The following ESRRA variants were observed in gnomAD, a reference collection of about 807,000 sequenced individuals.
ESRRA encodes the protein estrogen related receptor alpha.
ESRRA carries 7 observed loss-of-function variants against 35.6 expected under a neutral mutation model. The observed-to-expected ratio is 0.20, with a 90% CI of 0.11 to 0.37. The LOEUF (loss-of-function observed/expected upper bound fraction) is 0.37, where lower values mean the gene tolerates loss of function less well. ESRRA is among the 10% of genes least tolerant of loss of function. The probability of loss-of-function intolerance (pLI) is 1.00; values close to 1 mark genes in which losing one functional copy is unlikely to be tolerated. For synonymous variants in ESRRA, 223 were observed against 246.9 expected (o/e 0.90, Z 0.91); for missense variants, 378 against 561.7 (o/e 0.67, Z 3.31).
chr11:64,311,935 G>A lies in ESRRA; in HGVS notation c.326-2016G>A, dbSNP rs544491691. Among the ~76,000 whole-genome samples, 8 of 148,004 alleles carry A rather than the reference G, an allele frequency of 5.4e-5. No homozygotes were observed. The South Asian group carries it at 1.7e-3, about 31-fold the overall frequency. ...CCTCACCTCGTGATCTGCCTGCCTC[G>A]GCCTCCCAAAGTGCTGGGATTATAG... On this transcript the variant is annotated intron_variant, in intron 2 of 6. Coordinates refer to ENST00000000442, the MANE Select transcript of ESRRA (RefSeq NM_004451.5).
rs1591248691 is a variant in ESRRA at position 64,316,671 on chromosome 11, T to G, written c.*705T>G. On this transcript the variant is annotated 3_prime_UTR_variant, in exon 7 of 7. Coordinates refer to ENST00000000442, the MANE Select transcript of ESRRA (RefSeq NM_004451.5). ...ACAGAGACTCTATTTTAATGTATAT[T>G]TGCTGCAAAGAGAAACCGCTTTTGG... 1 of 599,536 alleles carries G rather than the reference T, an allele frequency of 1.7e-6. No homozygotes were observed. The highest frequency in any genetic ancestry group is 2.8e-5 in the East Asian group (1 of 35,148). The allele number at this position is 599,536 out of a possible 1,614,324, so 37.1% of individuals were successfully genotyped here. A position where few individuals can be genotyped will look rare whatever the true frequency, so the allele number is the denominator to read the frequency against.
At chr11:64,310,361 A>C (rs1209477220) in intron 2 of ESRRA, among the ~76,000 whole-genome samples, 4 of 150,280 alleles carry the variant, frequency 2.7e-5, no homozygotes, top group African/African-American at 9.8e-5. Flanking sequence ...CAGCCTCCTG[A>C]GTAGCTGGGA....
chr11:64,309,525 G>A (rs940037456), intron 2 of ESRRA, among the ~76,000 whole-genome samples: 1 of 151,836 alleles, frequency 6.6e-6, no homozygotes, highest in Admixed American at 6.6e-5. Context: ...GAATTTGGGG[G>A]AATGAGCAAG....
rs914458972 is a variant in ESRRA, at chr11:64,315,556, G to A, written c.1013-151G>A. On this transcript the variant is annotated intron_variant, in intron 6 of 6. Coordinates refer to ENST00000000442, the MANE Select transcript of ESRRA (RefSeq NM_004451.5). ...GAGAGAGGGTGGGGTCCTGGCCCAC[G>A]AGCCGCAGCAATGAGTGGTGCCTCT... 5 of 1,160,948 alleles carry A rather than the reference G, an allele frequency of 4.3e-6. No individual in the cohort carries two copies. The African/African-American group carries it at 4.6e-5, about 11-fold the overall frequency. The allele number at this position is 1,160,948 out of a possible 1,614,324, so 71.9% of individuals were successfully genotyped here. A position where few individuals can be genotyped will look rare whatever the true frequency, so the allele number is the denominator to read the frequency against.
At position 64,313,905 on chromosome 11, in the gene ESRRA, C is replaced by T; in HGVS notation, c.326-46C>T. 1 of 1,413,570 alleles carries T rather than the reference C, an allele frequency of 7.1e-7. No individual in the cohort carries two copies. The highest frequency in any genetic ancestry group is 1.3e-5 in the South Asian group (1 of 76,554). 87.6% of individuals were successfully genotyped at this position (1,413,570 alleles called of 1,614,324 possible). On this transcript the variant is annotated intron_variant, in intron 2 of 6. Transcript: ENST00000000442. This position sits in a 1 kb window ranked among gnomAD's most constrained non-coding sequence, Gnocchi z 4.0. ...GGCTCTCCTGTCAGCTGGGTCCCCT[C>T]CCAGCCCCGGGAGGCCGCCACTGGA...
At chr11:64,307,942 G>A (rs931701896) in intron 2 of ESRRA, among the ~76,000 whole-genome samples, 2 of 151,654 alleles carry the variant, frequency 1.3e-5, no homozygotes, top group Non-Finnish European at 2.9e-5. Flanking sequence ...GTTCAGGCTA[G>A]AGTGCAGTGG....
Position 64,307,354 on chromosome 11 carries a change from G to T in ESRRA, c.175G>T (p.Ala59Ser). Residue 59 changes from alanine (A) to serine (S), a missense_variant, in exon 2 of 7, where the codon GCT (alanine) becomes TCT (serine). By Grantham distance (99) the Ala-to-Ser change is moderately conservative. This residue lies in a region of ESRRA where 87 missense variants were observed against 92.6 expected (regional missense o/e 0.94). Coordinates refer to ENST00000000442, the MANE Select transcript of ESRRA (RefSeq NM_004451.5). Reference protein sequence around the residue: ...GHKEEEDGEGAGPGEQGGGKL... With the variant: ...GHKEEEDGEGSGPGEQGGGKL... ...CAAGGAAGAGGAGGATGGGGAGGGGGCTGGGCCTGGCGAGCAGGGCGGTGG... is the reference window on the plus strand; with the variant it reads ...CAAGGAAGAGGAGGATGGGGAGGGGTCTGGGCCTGGCGAGCAGGGCGGTGG... The T allele has an allele frequency of 6.2e-7, 1 of 1,610,648 alleles. No individual in the cohort carries two copies. The highest frequency in any genetic ancestry group is 1.1e-5 in the South Asian group (1 of 90,764).
chr11:64,307,697 G>A (rs1262958985), intron 2 of ESRRA, among the ~76,000 whole-genome samples, 193 bp downstream of exon 2: 1 of 152,210 alleles, frequency 6.6e-6, no homozygotes, highest in African/African-American at 2.4e-5. Context: ...GCATTGCAGT[G>A]GATGTGAGTG....
chr11:64,314,639 C>A, intron 4 of ESRRA, 102 bp from the exon 5 acceptor site: 1 of 1,193,714 alleles, frequency 8.4e-7, no homozygotes, highest in Non-Finnish European at 1.2e-6. Flanking sequence ...TGGACAGCTG[C>A]TACTGAGGAA....
chr11:64,311,485 G>C (rs1315828518), intron 2 of ESRRA, among the ~76,000 whole-genome samples: 1 of 151,092 alleles, frequency 6.6e-6, no homozygotes, highest in Admixed American at 6.6e-5. Flanking sequence ...GCGCGATCTC[G>C]GCTCAGTGCA....
In ESRRA at chr11:64,313,509, G is replaced by A. The variant is rs929388555; in HGVS notation, c.326-442G>A. ...TCAGAAACCACAAAGTGGCTGGTGC[G>A]GTGGGAGGAAAACCAGAGTGTATGC... On this transcript the variant is annotated intron_variant, in intron 2 of 6. Coordinates refer to ENST00000000442, the MANE Select transcript of ESRRA (RefSeq NM_004451.5). The surrounding 1 kb of genome is among the most constrained non-coding windows in gnomAD (Gnocchi z 4.0). Among the ~76,000 whole-genome samples the A allele has an allele frequency of 2.0e-5, 3 of 152,184 alleles. No homozygotes were observed. Among genetic ancestry groups the A allele is most frequent in the Non-Finnish European group, 2.9e-5 (2 of 68,028 alleles).
intron 2 of ESRRA, among the ~76,000 whole-genome samples, chr11:64,311,433 T>A (rs1228794611): frequency 2.5e-5 from 3 of 121,012 alleles, no homozygotes; most frequent in Non-Finnish European, 5.3e-5. Context: ...TTTTTTTTTT[T>A]GAGACGGAGT....
Position 64,314,372 on chromosome 11 carries a change from G to C in ESRRA, c.571+5G>C, listed in dbSNP as rs1201006799. 6.4e-7 allele frequency: 1 copy of C among 1,563,114 alleles called. No individual in the cohort carries two copies. The highest frequency in any genetic ancestry group is 1.4e-5 in the African/African-American group (1 of 73,710). On this transcript the variant is annotated splice_donor_5th_base_variant and intron_variant, in intron 4 of 6. Transcript: ENST00000000442. ...CTGGAGGCCCCCGGAAGACAGGTGAGAGCACTGTGGGTACCTGGGGCTACG... is the reference window on the plus strand; with the variant it reads ...CTGGAGGCCCCCGGAAGACAGGTGACAGCACTGTGGGTACCTGGGGCTACG...
rs1336764159 is a variant in ESRRA, at chr11:64,316,071, G to A, written c.*105G>A. ...GGTCTGGGCAGTGCCACAGCCTGCT[G>A]GCAGGGCCAGGGCAATGCCATCAGC... On this transcript the variant is annotated 3_prime_UTR_variant, in exon 7 of 7. Transcript: ENST00000000442. The A allele has an allele frequency of 2.8e-5, 37 of 1,341,004 alleles. No individual in the cohort carries two copies. Among genetic ancestry groups the A allele is most frequent in the Admixed American group, 2.5e-5 (1 of 40,550 alleles). The allele number at this position is 1,341,004 out of a possible 1,614,324, so 83.1% of individuals were successfully genotyped here. A position where few individuals can be genotyped will look rare whatever the true frequency, so the allele number is the denominator to read the frequency against.
Position 64,314,324 on chromosome 11 carries a change from C to T in ESRRA, c.528C>T (p.Phe176=), listed in dbSNP as rs2035198014. 7 of 1,604,118 alleles carry T rather than the reference C, an allele frequency of 4.4e-6. No individual in the cohort carries two copies. Among genetic ancestry groups the T allele is most frequent in the Non-Finnish European group, 6.0e-6 (7 of 1,175,702 alleles). Residue 176 remains phenylalanine, a synonymous_variant, in exon 4 of 7, where the codon TTC becomes TTT. Transcript: ENST00000000442. ...ACCCACTGCCCTTCCCGGGCCCCTT[C>T]CCTGCTGGGCCCCTGGCAGTCGCTG... ...EVDPLPFPGP[F]PAGPLAVAGG... is the part of the protein sequence containing the mutation.
chr11:64,307,570 A>G, intron 2 of ESRRA, 66 bp downstream of exon 2: 1 of 1,253,534 alleles, frequency 8.0e-7, no homozygotes, highest in Admixed American at 3.3e-5. Flanking sequence ...TGGGTGCAAT[A>G]GGCCCCCTGA....
Position 64,313,195 on chromosome 11 carries a change from T to C in ESRRA, c.326-756T>C, listed in dbSNP as rs1167337763. Among the ~76,000 whole-genome samples the C allele has an allele frequency of 1.3e-5, 2 of 152,020 alleles. No individual in the cohort carries two copies. Among genetic ancestry groups the C allele is most frequent in the East Asian group, 1.9e-4 (1 of 5,176 alleles). On this transcript the variant is annotated intron_variant, in intron 2 of 6. Transcript: ENST00000000442. This position sits in a 1 kb window ranked among gnomAD's most constrained non-coding sequence, Gnocchi z 4.0. ...TTGGAGGAGGTAAAGCCCACCAGAA[T>C]GTGTCGGTGGCTTGGATGTGGGGTG...
intron 6 of ESRRA, 103 bp from the exon 7 acceptor site, chr11:64,315,604 T>C (rs1314301946): frequency 6.8e-7 from 1 of 1,471,052 alleles, no homozygotes. Flanking sequence ...CAACAAATCC[T>C]CGTTTGGCTC....
chr11:64,316,046 G>C lies in ESRRA; in HGVS notation c.*80G>C. On this transcript the variant is annotated 3_prime_UTR_variant, in exon 7 of 7. Coordinates refer to ENST00000000442, the MANE Select transcript of ESRRA (RefSeq NM_004451.5). ...GCCCCAAGGGCTGGGGCGGAGCTGG[G>C]GTCTGGGCAGTGCCACAGCCTGCTG... 1.4e-6 allele frequency: 2 copies of C among 1,479,558 alleles called. No individual in the cohort carries two copies. Among genetic ancestry groups the C allele is most frequent in the Middle Eastern group, 2.6e-4 (1 of 3,870 alleles). The allele number at this position is 1,479,558 out of a possible 1,614,324, so 91.7% of individuals were successfully genotyped here. A position where few individuals can be genotyped will look rare whatever the true frequency, so the allele number is the denominator to read the frequency against.
Sources: gnomAD v4.1 joint callset for allele counts (sites outside exome capture counted in the v4.1 genomes callset) on GRCh38, gnomAD v4.1.1 for gene constraint, gnomAD v4.1.1 regional missense constraint, Gnocchi (gnomAD v3.1) non-coding constraint, MANE v1.5 for transcripts, NCBI Gene and HGNC (gene_info 2026-07-23, HGNC 2026-07-21) for gene names.